The following HMGB1 variants were observed in gnomAD, a reference collection of about 807,000 sequenced individuals.
HMGB1 encodes the protein high mobility group protein B1.
For missense variants in HMGB1, 79 were observed against 253.5 expected (o/e 0.31, Z 4.67); for synonymous variants, 81 against 84.0 (o/e 0.96, Z 0.19).
At chr13:30,473,807 T>C (rs953050716) in intron 1 of HMGB1, among the ~76,000 whole-genome samples, 1 of 152,202 alleles carries the variant, frequency 6.6e-6, no homozygotes, top group Non-Finnish European at 1.5e-5. Flanking sequence ...ACATGAATCT[T>C]CATAGCAGCA....
intron 1 of HMGB1, among the ~76,000 whole-genome samples, chr13:30,567,323 T>C (rs1277417728): frequency 1.3e-5 from 2 of 151,948 alleles, no homozygotes; most frequent in Non-Finnish European, 2.9e-5. Context: ...TGTTAACCAC[T>C]GATTTCACTT....
Position 30,456,766 on chromosome 13 carries a change from G to GGGGGT in HMGB1, c.*4590_*4591insACCCC, listed in dbSNP as rs1886004594. 9.5e-6 allele frequency: 1 copy of GGGGGT among 105,244 alleles called. No individual in the cohort carries two copies. Among genetic ancestry groups the GGGGGT allele is most frequent in the Non-Finnish European group, 1.9e-5 (1 of 51,382 alleles). The allele number at this position is 105,244 out of a possible 1,614,324, so 6.5% of individuals were successfully genotyped here. On this transcript the variant is annotated 3_prime_UTR_variant, in exon 5 of 5. Transcript: ENST00000341423. ...AAATAACAGCTTTTGTGGGCGGGGG[G>GGGGGT]GGGGGGTGGTGGGGTGCAATTTATC...
chr13:30,549,562 T>TTG (rs574677248), intron 1 of HMGB1, among the ~76,000 whole-genome samples: 32 of 151,612 alleles, frequency 2.1e-4, no homozygotes, highest in East Asian at 1.6e-3. Context: ...TTTGTACTTT[T>TTG]TGTGTGTGTG....
chr13:30,543,132 T>G (rs951282651), intron 1 of HMGB1: 1 of 148,896 alleles, frequency 6.7e-6, no homozygotes, highest in African/African-American at 2.5e-5. Context: ...TTTTTTTTTT[T>G]TTTTTTTTTT....
At chr13:30,498,956 G>GC (rs1479986290) in intron 1 of HMGB1, among the ~76,000 whole-genome samples, 1 of 140,942 alleles carries the variant, frequency 7.1e-6, no homozygotes, top group African/African-American at 2.6e-5. Flanking sequence ...CCTCTTTTTT[G>GC]TTTTTTTTTT....
intron 1 of HMGB1, among the ~76,000 whole-genome samples, chr13:30,564,595 G>C (rs1239049384): frequency 6.6e-6 from 1 of 152,214 alleles, no homozygotes; most frequent in Non-Finnish European, 1.5e-5. Flanking sequence ...AATCACTTCT[G>C]TCTTATGAAA....
intron 1 of HMGB1, among the ~76,000 whole-genome samples, chr13:30,596,216 A>G (rs1465127634): frequency 2.6e-5 from 4 of 152,196 alleles, no homozygotes; most frequent in Non-Finnish European, 5.9e-5. Context: ...TTTATAATCA[A>G]TTACACACCA....
At chr13:30,469,004 G>A (rs1001125359), upstream of HMGB1, among the ~76,000 whole-genome samples, 1 of 151,646 alleles carries the variant, frequency 6.6e-6, no homozygotes, top group Middle Eastern at 3.4e-3. Flanking sequence ...AGCAATTCTC[G>A]TGCCTCAGCC....
chr13:30,617,219 GAGA>G (rs891804748), exon 1 of HMGB1: 1 of 152,366 alleles, frequency 6.6e-6, no homozygotes, highest in East Asian at 1.9e-4. Flanking sequence ...CCCTTACCGT[GAGA>G]AGATCTGGGA....
chr13:30,590,662 A>T (rs536016145), intron 1 of HMGB1, among the ~76,000 whole-genome samples: 3 of 152,354 alleles, frequency 2.0e-5, no homozygotes, highest in South Asian at 2.1e-4. Context: ...GTGTCCCCTC[A>T]AATTCGTATG....
chr13:30,489,695 T>C (rs954579601), intron 1 of HMGB1, among the ~76,000 whole-genome samples: 2 of 151,952 alleles, frequency 1.3e-5, no homozygotes, highest in South Asian at 2.1e-4. Flanking sequence ...TTCAGCACAG[T>C]CTTCTATCCT....
At chr13:30,609,874 G>A (rs769314692) in intron 1 of HMGB1, among the ~76,000 whole-genome samples, 1 of 152,132 alleles carries the variant, frequency 6.6e-6, no homozygotes, top group Non-Finnish European at 1.5e-5. Flanking sequence ...ACTTCACTTA[G>A]AATACTGGCC....
chr13:30,562,105 T>A (rs1438383066), intron 1 of HMGB1, among the ~76,000 whole-genome samples: 1 of 152,162 alleles, frequency 6.6e-6, no homozygotes, highest in East Asian at 1.9e-4. Context: ...GCGGATCACC[T>A]GAGGTCAGGA....
chr13:30,533,864 A>T, intron 1 of HMGB1, among the ~76,000 whole-genome samples: 2 of 141,876 alleles, frequency 1.4e-5, no homozygotes, highest in East Asian at 2.1e-4. Flanking sequence ...GGTAAAGACT[A>T]TCTTTTTTTT....
chr13:30,538,339 A>C, intron 1 of HMGB1, among the ~76,000 whole-genome samples: 1 of 152,188 alleles, frequency 6.6e-6, no homozygotes, highest in Non-Finnish European at 1.5e-5. Context: ...AATAAAGAAA[A>C]GGAGGGGAAA....
intron 1 of HMGB1, among the ~76,000 whole-genome samples, chr13:30,472,309 C>T (rs1011811923): frequency 1.3e-5 from 2 of 151,974 alleles, no homozygotes; most frequent in Non-Finnish European, 2.9e-5. Context: ...AAAAAAAATA[C>T]GACATGCAAG....
chr13:30,608,102 G>A (rs528368984), intron 1 of HMGB1, among the ~76,000 whole-genome samples: 23 of 152,202 alleles, frequency 1.5e-4, no homozygotes, highest in South Asian at 1.5e-3. Flanking sequence ...CTCAGATCAC[G>A]TGCTCTGGGG....
chr13:30,567,367 A>C (rs1161419971), intron 1 of HMGB1, among the ~76,000 whole-genome samples: 4 of 147,096 alleles, frequency 2.7e-5, no homozygotes, highest in African/African-American at 1.0e-4. Flanking sequence ...TTTTTTGAGA[A>C]TGAATCTCAC....
chr13:30,461,614 A>G (rs1886341119), intron 4 of HMGB1, 81 bp from the exon 5 acceptor site: 15 of 1,577,490 alleles, frequency 9.5e-6, no homozygotes, highest in African/African-American at 1.3e-5. Flanking sequence ...GAACTTTATG[A>G]AAGAAATCAA....
Sources: gnomAD v4.1 joint callset for allele counts (sites outside exome capture counted in the v4.1 genomes callset) on GRCh38, gnomAD v4.1.1 for gene constraint, MANE v1.5 for transcripts, NCBI Gene and HGNC (gene_info 2026-07-23, HGNC 2026-07-21) for gene names.